The following MAGI1 variants were observed in gnomAD, a reference collection of about 807,000 sequenced individuals.
MAGI1 encodes membrane associated guanylate kinase, WW and PDZ domain containing 1, also known as membrane-associated guanylate kinase, WW and PDZ domain-containing protein 1.
Under a neutral mutation model 139.9 loss-of-function variants are expected in MAGI1, and 58 were observed. That is an observed-to-expected ratio of 0.41 (90% confidence interval 0.34 to 0.52). The LOEUF is 0.52. Among genes scored for constraint, MAGI1 ranks in the 20% least tolerant of loss-of-function variants. MAGI1 has a pLI of 0.12. For missense variants in MAGI1, 1,874 were observed against 1,901.6 expected (o/e 0.99, Z 0.27); for synonymous variants, 812 against 737.9 (o/e 1.10, Z -1.63).
At position 65,782,613 on chromosome 3, in the gene MAGI1, C is replaced by CA. The variant is rs56367932; in HGVS notation, c.314-160526dup. 1.3e-3 allele frequency among the ~76,000 whole-genome samples: 79 copies of CA among 60,570 alleles called. 1 individual carries two copies. Among genetic ancestry groups the CA allele is most frequent in the African/African-American group, 2.2e-3 (38 of 17,088 alleles). 39.7% of individuals were successfully genotyped at this position (60,570 alleles called of 152,430 possible). On this transcript the variant is annotated intron_variant, in intron 1 of 22. Coordinates refer to ENST00000402939, the MANE Select transcript of MAGI1 (RefSeq NM_001033057.2). ...TTTTAAAGTATATGGATTTCTTAAG[C>CA]AAAAAAAAAAAAAAAAAAAAAAAAA...
intron 5 of MAGI1, chr3:65,470,077 C>G: frequency 2.3e-6 from 1 of 441,328 alleles, no homozygotes; most frequent in South Asian, 3.6e-5. Context: ...AAATGATTAA[C>G]CTTATGCTTC....
intron 12 of MAGI1, among the ~76,000 whole-genome samples, chr3:65,419,245 C>CACACACATACACACACACA (rs1553641803): frequency 1.3e-5 from 2 of 149,696 alleles, no homozygotes; most frequent in East Asian, 1.9e-4. Context: ...CACACACACA[C>CACACACATACACACACACA]AAGTGTATGA....
chr3:65,402,816 A>G (rs1163262158), intron 12 of MAGI1, among the ~76,000 whole-genome samples: 1 of 152,142 alleles, frequency 6.6e-6, no homozygotes, highest in Non-Finnish European at 1.5e-5. Flanking sequence ...CGTGGGAGGC[A>G]TGAGGGCACT....
At chr3:66,019,371 C>T (rs2067843469) in intron 1 of MAGI1, among the ~76,000 whole-genome samples, 1 of 152,148 alleles carries the variant, frequency 6.6e-6, no homozygotes, top group Non-Finnish European at 1.5e-5. Flanking sequence ...ACCAGTGGCA[C>T]TTCCCAGATG....
chr3:65,856,872 G>T (rs2059393382), intron 1 of MAGI1, among the ~76,000 whole-genome samples: 1 of 152,188 alleles, frequency 6.6e-6, no homozygotes, highest in African/African-American at 2.4e-5. Context: ...AAGTTCATGA[G>T]ACGCCTAACG....
chr3:65,728,942 CTG>C (rs1198198604), intron 1 of MAGI1, among the ~76,000 whole-genome samples: 1 of 152,034 alleles, frequency 6.6e-6, no homozygotes, highest in Non-Finnish European at 1.5e-5. Context: ...TGATCATTTA[CTG>C]TGTTTAATAA....
chr3:65,636,705 CACACACACACACACACACAT>C (rs1286618017), intron 1 of MAGI1, among the ~76,000 whole-genome samples: 17 of 147,488 alleles, frequency 1.2e-4, no homozygotes, highest in African/African-American at 4.4e-4. Context: ...AAAACACATA[CACACACACACACACACACAT>C]ACACACACAC....
intron 1 of MAGI1, among the ~76,000 whole-genome samples, chr3:65,689,330 T>C (rs2088362937): frequency 6.6e-6 from 1 of 152,074 alleles, no homozygotes; most frequent in Non-Finnish European, 1.5e-5. Context: ...CAGACCTGAG[T>C]TCCATGTTCC....
Position 65,470,291 on chromosome 3 carries a change from A to G in MAGI1, c.951T>C (p.Tyr317=). Reference sequence around the variant, plus strand: ...ATAATGGTATACTTTACTCTATAAAATAGACTTCTCCATTTTCAGTATAGG... The same window carrying G: ...ATAATGGTATACTTTACTCTATAAAGTAGACTTCTCCATTTTCAGTATAGG... ...EMAYTENGEV[Y]FIDHNTKTTS... The change falls in exon 5 of 23, where the codon TAT becomes TAC. Residue 317 remains tyrosine (Y), a synonymous_variant. Coordinates refer to ENST00000402939, the MANE Select transcript of MAGI1 (RefSeq NM_001033057.2). 6.2e-7 allele frequency: 1 copy of G among 1,602,792 alleles called. No individual in the cohort carries two copies. Among genetic ancestry groups the G allele is most frequent in the Non-Finnish European group, 8.5e-7 (1 of 1,169,946 alleles).
intron 4 of MAGI1, among the ~76,000 whole-genome samples, chr3:65,475,627 G>T (rs943866797): frequency 6.6e-6 from 1 of 152,154 alleles, no homozygotes; most frequent in Non-Finnish European, 1.5e-5. Flanking sequence ...CATAGGAAGT[G>T]TTCTTTCTCA....
chr3:65,419,101 C>T (rs1175238119), intron 12 of MAGI1, among the ~76,000 whole-genome samples: 3 of 152,222 alleles, frequency 2.0e-5, no homozygotes, highest in Non-Finnish European at 4.4e-5. Context: ...CTCCCTCCTT[C>T]CTGCTCTTTC....
intron 1 of MAGI1, among the ~76,000 whole-genome samples, chr3:65,719,276 T>C (rs753433914): frequency 2.6e-4 from 40 of 151,132 alleles, no homozygotes; most frequent in Admixed American, 1.4e-3. Context: ...TACATATATA[T>C]ACACATATAT....
At chr3:66,020,972 G>A in intron 1 of MAGI1, among the ~76,000 whole-genome samples, 1 of 152,002 alleles carries the variant, frequency 6.6e-6, no homozygotes, top group East Asian at 1.9e-4. Flanking sequence ...AAGGCCAAAG[G>A]ACACTAAAAC....
At chr3:65,858,076 T>G (rs1175067721) in intron 1 of MAGI1, among the ~76,000 whole-genome samples, 3 of 151,756 alleles carry the variant, frequency 2.0e-5, no homozygotes, top group Admixed American at 6.6e-5. Flanking sequence ...GCCACTGCAC[T>G]CCAGCCTGGG....
chr3:65,850,272 A>G (rs1309685902), intron 1 of MAGI1, among the ~76,000 whole-genome samples: 3 of 152,190 alleles, frequency 2.0e-5, no homozygotes, highest in African/African-American at 7.2e-5. Flanking sequence ...AACTAGAATG[A>G]CCAACTGTCA....
intron 1 of MAGI1, among the ~76,000 whole-genome samples, chr3:66,004,116 C>T (rs995586847): frequency 5.3e-5 from 8 of 152,124 alleles, no homozygotes; most frequent in Admixed American, 1.3e-4. Context: ...AAATCCTGCT[C>T]GGATTTTATT....
intron 1 of MAGI1, among the ~76,000 whole-genome samples, chr3:65,890,091 C>T (rs571040195): frequency 1.2e-3 from 180 of 149,922 alleles, no homozygotes; most frequent in African/African-American, 4.1e-3. Context: ...GCCGGCCAGT[C>T]GCGGTGGCTC....
chr3:65,357,251 T>C, intron 22 of MAGI1, 119 bp from the exon 23 acceptor site: 2 of 1,069,020 alleles, frequency 1.9e-6, no homozygotes, highest in South Asian at 3.3e-5. Context: ...GTTAAAGCAG[T>C]CAGACTCAAA....
chr3:65,960,353 C>T (rs2064363058), intron 1 of MAGI1, among the ~76,000 whole-genome samples: 1 of 152,142 alleles, frequency 6.6e-6, no homozygotes, highest in African/African-American at 2.4e-5. Flanking sequence ...GGAAAACCTC[C>T]AGCTGTTTCA....
Sources: allele counts gnomAD v4.1 joint callset (sites outside exome capture counted in the v4.1 genomes callset), GRCh38; gene constraint gnomAD v4.1.1; transcripts MANE v1.5; gene names NCBI Gene and HGNC (gene_info 2026-07-23, HGNC 2026-07-21).